The following PDE8B variants were observed in gnomAD, a reference collection of about 807,000 sequenced individuals.
PDE8B encodes the protein phosphodiesterase 8B, also known as high affinity cAMP-specific and IBMX-insensitive 3',5'-cyclic phosphodiesterase 8B.
In PDE8B, 26 loss-of-function variants were observed where a neutral mutation model predicts 101.3. That is an observed-to-expected ratio of 0.26 (90% CI 0.19 to 0.36). The LOEUF (loss-of-function observed/expected upper bound fraction) is 0.36. Among genes scored for constraint, PDE8B ranks in the 10% least tolerant of loss-of-function variants. The probability of loss-of-function intolerance (pLI) is 1.00; values close to 1 mark genes in which losing one functional copy is unlikely to be tolerated. For synonymous variants in PDE8B, 424 were observed against 429.3 expected (o/e 0.99, Z 0.15); for missense variants, 810 against 1,163.1 (o/e 0.70, Z 4.42).
intron 10 of PDE8B, among the ~76,000 whole-genome samples, chr5:77,393,345 G>T (rs145220765): frequency 3.3e-3 from 493 of 151,210 alleles, no homozygotes; most frequent in African/African-American, 0.012. Context: ...AGTGAGCCAA[G>T]TTTGCACCCA....
At chr5:77,338,090 A>G (rs1460821067) in intron 6 of PDE8B, among the ~76,000 whole-genome samples, 1 of 152,344 alleles carries the variant, frequency 6.6e-6, no homozygotes, top group East Asian at 1.9e-4. Flanking sequence ...CCCAGTCCCC[A>G]GGAGCTTCAG....
chr5:77,325,495 T>C (rs760424898), intron 2 of PDE8B, 44 bp from the exon 3 acceptor site: 6 of 1,566,492 alleles, frequency 3.8e-6, no homozygotes, highest in Non-Finnish European at 8.8e-7. Context: ...ATAGTCTCTA[T>C]GGATGATGAT....
intron 10 of PDE8B, 35 bp from the exon 11 acceptor site, chr5:77,400,213 T>C (rs1279030349): frequency 3.4e-6 from 5 of 1,479,356 alleles, no homozygotes; most frequent in Non-Finnish European, 4.7e-6. Context: ...TTTAAAATCT[T>C]TCTCTTGTTT....
chr5:77,122,987 G>A, the PDE8B span, among the ~76,000 whole-genome samples: 1 of 152,154 alleles, frequency 6.6e-6, no homozygotes, highest in Non-Finnish European at 1.5e-5. Context: ...ACAAAGTGTT[G>A]TCATTGAATT....
the PDE8B span, among the ~76,000 whole-genome samples, chr5:77,171,126 G>C: frequency 4.6e-5 from 7 of 152,188 alleles, no homozygotes; most frequent in South Asian, 6.2e-4. Flanking sequence ...GAGAAAGCTT[G>C]ATCATTTACG....
chr5:77,355,014 G>T (rs1440113274), intron 10 of PDE8B, among the ~76,000 whole-genome samples: 1 of 152,206 alleles, frequency 6.6e-6, no homozygotes, highest in Non-Finnish European at 1.5e-5. Flanking sequence ...TGCTGTCCTT[G>T]TGTGCCCACA....
upstream of PDE8B, among the ~76,000 whole-genome samples, chr5:77,207,031 C>A (rs2149356445): frequency 6.6e-6 from 1 of 152,306 alleles, no homozygotes; most frequent in East Asian, 1.9e-4. Flanking sequence ...GTTTCAGATT[C>A]ACTCGTCTAA....
chr5:77,316,083 A>T (rs1350488433), intron 2 of PDE8B, among the ~76,000 whole-genome samples: 1 of 151,632 alleles, frequency 6.6e-6, no homozygotes, highest in East Asian at 1.9e-4. Flanking sequence ...ATACTGATAT[A>T]GTTTTATTTT....
At chr5:77,256,164 C>G (rs140989847) in intron 1 of PDE8B, among the ~76,000 whole-genome samples, 291 of 152,070 alleles carry the variant, frequency 1.9e-3, no homozygotes, top group African/African-American at 6.9e-3. Flanking sequence ...TATTTTTTTG[C>G]AACAAAACAA....
chr5:77,261,694 C>A (rs1760618064), intron 1 of PDE8B, among the ~76,000 whole-genome samples: 1 of 152,200 alleles, frequency 6.6e-6, no homozygotes, highest in Non-Finnish European at 1.5e-5. Flanking sequence ...CTGTGAAGTA[C>A]TAGAAGGTTC....
upstream of PDE8B, among the ~76,000 whole-genome samples, chr5:77,205,662 T>G (rs1747441764): frequency 2.0e-5 from 3 of 152,330 alleles, no homozygotes; most frequent in South Asian, 6.2e-4. Flanking sequence ...CACTTACTCA[T>G]TTACATGGTT....
intron 3 of PDE8B, among the ~76,000 whole-genome samples, chr5:77,328,405 A>G (rs1156733106): frequency 1.3e-5 from 2 of 152,224 alleles, no homozygotes; most frequent in East Asian, 1.9e-4. Flanking sequence ...GACAGGTACT[A>G]TATTGCAACA....
intron 14 of PDE8B, among the ~76,000 whole-genome samples, chr5:77,409,697 A>G (rs1420202651): frequency 1.3e-5 from 2 of 152,110 alleles, no homozygotes; most frequent in Non-Finnish European, 2.9e-5. Context: ...ATAATTATCT[A>G]TCAGCAAGTA....
the PDE8B span, among the ~76,000 whole-genome samples, chr5:77,117,380 A>C: frequency 6.6e-6 from 1 of 152,200 alleles, no homozygotes; most frequent in Non-Finnish European, 1.5e-5. Context: ...TCAGACAAAC[A>C]GGGAACCTAG....
the PDE8B span, among the ~76,000 whole-genome samples, chr5:77,170,888 A>G: frequency 5.8e-3 from 888 of 152,348 alleles, 3 homozygotes; most frequent in Admixed American, 9.4e-3. Context: ...GTCAACAAAC[A>G]TTTAGTTAGG....
intron 10 of PDE8B, among the ~76,000 whole-genome samples, chr5:77,394,509 G>A (rs1211237811): frequency 6.6e-6 from 1 of 152,152 alleles, no homozygotes; most frequent in Non-Finnish European, 1.5e-5. Context: ...GTCAAGTGAA[G>A]AATTTATCCC....
At chr5:77,319,698 G>T (rs1774599015) in intron 2 of PDE8B, among the ~76,000 whole-genome samples, 1 of 152,194 alleles carries the variant, frequency 6.6e-6, no homozygotes, top group South Asian at 2.1e-4. Context: ...CAAAAAGGAT[G>T]AAGATGTCAT....
intron 1 of PDE8B, among the ~76,000 whole-genome samples, chr5:77,230,884 A>G (rs1333880601): frequency 6.6e-6 from 1 of 152,252 alleles, no homozygotes; most frequent in Non-Finnish European, 1.5e-5. Flanking sequence ...AAGAATCTTC[A>G]GGCAGCACCA....
At chr5:77,159,467 T>G in the PDE8B span, among the ~76,000 whole-genome samples, 1 of 152,178 alleles carries the variant, frequency 6.6e-6, no homozygotes, top group Admixed American at 6.5e-5. Context: ...CCTTTGAACC[T>G]TAGACTCCAA....
Sources: allele counts gnomAD v4.1 joint callset (sites outside exome capture counted in the v4.1 genomes callset), GRCh38; gene constraint gnomAD v4.1.1; transcripts MANE v1.5; gene names NCBI Gene and HGNC (gene_info 2026-07-23, HGNC 2026-07-21).